FBXO11: variants seen among roughly 807,000 people sequenced by gnomAD.
FBXO11 encodes F-box protein 11.
In FBXO11, 13 loss-of-function variants were observed where a neutral mutation model predicts 117.0. The observed-to-expected ratio is 0.11, with a 90% CI of 0.07 to 0.18. The LOEUF (loss-of-function observed/expected upper bound fraction) is 0.18. Ranked by LOEUF, FBXO11 falls within the 10% of genes least tolerant of loss-of-function variation. The probability of loss-of-function intolerance (pLI) is 1.00; values close to 1 mark genes in which losing one functional copy is unlikely to be tolerated. For missense variants in FBXO11, 767 were observed against 1,164.4 expected, an observed-to-expected ratio of 0.66 and a Z score of 4.97; for synonymous variants, 490 against 380.5, an observed-to-expected ratio of 1.29 and a Z score of -3.35.
chr2:47,901,756 T>C lies in FBXO11; in HGVS notation c.232+3733A>G, dbSNP rs377383526. ...AGACTTGTAAGCTTTCCTCATACTT[T>C]GTAATATCTAAAAAAATTACAAAAT... On this transcript the variant is annotated intron_variant, in intron 1 of 22. Coordinates refer to ENST00000403359, the MANE Select transcript of FBXO11 (RefSeq NM_001190274.2). Among the ~76,000 whole-genome samples the C allele has an allele frequency of 3.4e-4, 52 of 152,304 alleles. No homozygotes were observed. In the South Asian group the frequency reaches 9.1e-3, roughly 27 times the overall value.
chr2:47,870,976 G>A (rs910865471), intron 1 of FBXO11, among the ~76,000 whole-genome samples: 2 of 152,174 alleles, frequency 1.3e-5, no homozygotes, highest in South Asian at 4.1e-4. Context: ...TGGCTGCAAA[G>A]TCTACGCTCA....
At chr2:47,821,928 C>G (rs1157064418) in intron 13 of FBXO11, among the ~76,000 whole-genome samples, 1 of 152,094 alleles carries the variant, frequency 6.6e-6, no homozygotes, top group African/African-American at 2.4e-5. Flanking sequence ...CCAGCCTCCA[C>G]AAATAAATGA....
At chr2:47,810,556 G>T in intron 18 of FBXO11, 130 bp from the exon 19 acceptor site, 1 of 554,460 alleles carries the variant, frequency 1.8e-6, no homozygotes, top group Non-Finnish European at 3.1e-6. Flanking sequence ...TATTTTTTCA[G>T]CCAAAACAAG....
intron 11 of FBXO11, among the ~76,000 whole-genome samples, chr2:47,824,549 G>C (rs1345870601): frequency 1.3e-5 from 2 of 152,118 alleles, no homozygotes; most frequent in Non-Finnish European, 2.9e-5. Context: ...TTTTTAAAAA[G>C]TTCACCTTAG....
At chr2:47,828,972 T>A (rs910570757) in intron 11 of FBXO11, among the ~76,000 whole-genome samples, 1 of 152,006 alleles carries the variant, frequency 6.6e-6, no homozygotes, top group Non-Finnish European at 1.5e-5. Context: ...TGGAGTGCAG[T>A]GGCATGATCT....
chr2:47,891,037 T>G (rs1677224981), intron 1 of FBXO11, among the ~76,000 whole-genome samples: 1 of 151,728 alleles, frequency 6.6e-6, no homozygotes, highest in African/African-American at 2.4e-5. Context: ...TTGCTCAGAC[T>G]AGTATCAAAC....
At chr2:47,818,615 G>A in intron 16 of FBXO11, 164 bp downstream of exon 16, 1 of 612,154 alleles carries the variant, frequency 1.6e-6, no homozygotes, top group South Asian at 2.6e-5. Context: ...CTAGACCAAG[G>A]AAAGCTACAT....
chr2:47,808,735 A>G lies in FBXO11; in HGVS notation c.2556-308T>C, dbSNP rs111933507. 1,041 of 326,440 alleles carry G rather than the reference A, an allele frequency of 3.2e-3. 7 individuals carry two copies. The highest frequency in any genetic ancestry group is 0.021 in the African/African-American group (972 of 46,878). The allele number at this position is 326,440 out of a possible 1,614,324, so 20.2% of individuals were successfully genotyped here. A position where few individuals can be genotyped will look rare whatever the true frequency, so the allele number is the denominator to read the frequency against. ...AGGCGTGAAGAGTCAAAACTGTCAC[A>G]GTGACTGGGATATATCAAACACTTA... On this transcript the variant is annotated intron_variant, in intron 21 of 22. Transcript: ENST00000403359.
chr2:47,822,545 T>A (rs1297454897), intron 12 of FBXO11, among the ~76,000 whole-genome samples: 1 of 152,224 alleles, frequency 6.6e-6, no homozygotes, highest in African/African-American at 2.4e-5. Context: ...ATTTTTTAGC[T>A]GATCTAGAAA....
intron 13 of FBXO11, among the ~76,000 whole-genome samples, chr2:47,821,247 AC>A (rs1240364261): frequency 1.3e-5 from 2 of 151,424 alleles, no homozygotes; most frequent in Non-Finnish European, 2.9e-5. Flanking sequence ...TGAGGCTGAA[AC>A]AGGCAGCTCA....
At chr2:47,809,757 T>A in intron 19 of FBXO11, 50 bp from the exon 20 acceptor site, 1 of 1,237,204 alleles carries the variant, frequency 8.1e-7, no homozygotes, top group Non-Finnish European at 1.2e-6. Context: ...TACTGCTTCT[T>A]AAAAACCTGA....
chr2:47,852,217 T>C (rs1269758709), intron 1 of FBXO11, among the ~76,000 whole-genome samples: 1 of 152,110 alleles, frequency 6.6e-6, no homozygotes, highest in Non-Finnish European at 1.5e-5. Flanking sequence ...CTCGAACTCC[T>C]GACCTAAGGT....
At chr2:47,864,493 A>G (rs899234540) in intron 1 of FBXO11, among the ~76,000 whole-genome samples, 1 of 152,202 alleles carries the variant, frequency 6.6e-6, no homozygotes, top group African/African-American at 2.4e-5. Flanking sequence ...AGGCTGAGGC[A>G]GGAGAATTGC....
At position 47,833,049 on chromosome 2, in the gene FBXO11, T is replaced by G; in HGVS notation, c.956A>C (p.Lys319Thr). ...IGAAPGKVAD[K>T]VIIENTRDST... is the part of the protein sequence containing the mutation. ...ATCTCTAGTGTTTTCAATTATAACTTTGTCTGCCACTTTCCCAGGTGCTGT... is the reference window on the plus strand; with the variant it reads ...ATCTCTAGTGTTTTCAATTATAACTGTGTCTGCCACTTTCCCAGGTGCTGT... The change falls in exon 8 of 23, where the codon AAA becomes ACA. Residue 319 changes from lysine (K) to threonine (T), a missense_variant. Physicochemically the swap from Lys to Thr is moderately conservative, Grantham distance 78. This residue lies in a region of FBXO11 where 123 missense variants were observed against 145.0 expected (regional missense o/e 0.85). Transcript: ENST00000403359. The G allele has an allele frequency of 6.2e-7, 1 of 1,613,232 alleles. No homozygotes were observed. Among genetic ancestry groups the G allele is most frequent in the South Asian group, 1.1e-5 (1 of 91,058 alleles).
At chr2:47,822,170 G>C in intron 13 of FBXO11, 48 bp downstream of exon 13, 2 of 1,235,376 alleles carry the variant, frequency 1.6e-6, no homozygotes, top group Non-Finnish European at 2.3e-6. Flanking sequence ...CTAATATCAA[G>C]AAGACATACA....
At chr2:47,888,984 TTAGG>T (rs1312570759) in intron 1 of FBXO11, among the ~76,000 whole-genome samples, 8 of 152,188 alleles carry the variant, frequency 5.3e-5, no homozygotes, top group African/African-American at 9.7e-5. Flanking sequence ...ATAATGTAAA[TTAGG>T]TAATTATATG....
At position 47,905,941 on chromosome 2, in the gene FBXO11, G is replaced by A. The variant is rs993415970; in HGVS notation, c.-221C>T. 1.0e-5 allele frequency: 5 copies of A among 481,308 alleles called. No individual in the cohort carries two copies. The highest frequency in any genetic ancestry group is 4.4e-5 in the Admixed American group (1 of 22,920). The allele number at this position is 481,308 out of a possible 1,614,324, so 29.8% of individuals were successfully genotyped here. On this transcript the variant is annotated 5_prime_UTR_variant, in exon 1 of 23. Transcript: ENST00000403359. ...GAGACCGAGCGAGGCCGGCCGGGAGGGCCTGACGCACGGGGAAGGCCGAAG... is the reference window on the plus strand; with the variant it reads ...GAGACCGAGCGAGGCCGGCCGGGAGAGCCTGACGCACGGGGAAGGCCGAAG...
rs1558486318 is a variant in FBXO11 at position 47,900,611 on chromosome 2, CGTATATACACACGTATACACACACGT to C, written c.232+4852_232+4877del. ...ATACGTATATACACACGTATACACA[CGTATATACACACGTATACACACACGT>C]ACGTATATACACACGTATACACACA... On this transcript the variant is annotated intron_variant, in intron 1 of 22. Transcript: ENST00000403359. Among the ~76,000 whole-genome samples, 16 of 60,272 alleles carry C rather than the reference CGTATATACACACGTATACACACACGT, an allele frequency of 2.7e-4. 1 individual carries two copies. The highest frequency in any genetic ancestry group is 1.1e-3 in the African/African-American group (13 of 11,570). The allele number at this position is 60,272 out of a possible 152,430, so 39.5% of individuals were successfully genotyped here. A position where few individuals can be genotyped will look rare whatever the true frequency, so the allele number is the denominator to read the frequency against.
intron 1 of FBXO11, among the ~76,000 whole-genome samples, chr2:47,874,850 A>C (rs1036841738): frequency 1.1e-4 from 17 of 151,476 alleles, no homozygotes; most frequent in Non-Finnish European, 2.1e-4. Context: ...CAAAATTTAA[A>C]AAACATTGTC....
Sources: allele counts gnomAD v4.1 joint callset (sites outside exome capture counted in the v4.1 genomes callset), GRCh38; gene constraint gnomAD v4.1.1; regional missense constraint gnomAD v4.1.1; transcripts MANE v1.5; gene names NCBI Gene and HGNC (gene_info 2026-07-23, HGNC 2026-07-21).